The following ACO2 variants were observed in gnomAD, a reference collection of about 807,000 sequenced individuals.
ACO2 encodes the protein aconitase 2.
A neutral mutation model predicts 84.5 loss-of-function variants in ACO2; 31 were observed. That is an observed-to-expected ratio of 0.37 (90% CI 0.28 to 0.50). The LOEUF (loss-of-function observed/expected upper bound fraction) is 0.50. ACO2 is among the 20% of genes least tolerant of loss of function. The pLI, the probability that ACO2 is intolerant of heterozygous loss-of-function variation, is 0.97. For synonymous variants in ACO2, 414 were observed against 412.7 expected, an observed-to-expected ratio of 1.00 and a Z score of -0.04; for missense variants, 685 against 1,029.3, an observed-to-expected ratio of 0.67 and a Z score of 4.58.
chr22:41,524,075 A>C, intron 12 of ACO2, 134 bp downstream of exon 12: 1 of 722,732 alleles, frequency 1.4e-6, no homozygotes, highest in African/African-American at 1.8e-5. Context: ...TCCCAGCCTC[A>C]GGCGCATGCT....
intron 13 of ACO2, 48 bp downstream of exon 13, chr22:41,525,016 C>G (rs372808344): frequency 3.8e-5 from 62 of 1,613,694 alleles, no homozygotes; most frequent in Non-Finnish European, 5.2e-5. Context: ...GGCCACGTCA[C>G]TTCCTTCTCA....
intron 15 of ACO2, 195 bp from the exon 16 acceptor site, chr22:41,527,093 G>A (rs572242721): frequency 8.1e-5 from 60 of 739,236 alleles, no homozygotes; most frequent in Non-Finnish European, 1.2e-4. Flanking sequence ...CTGTCCCCTC[G>A]GGGCCTCGTT....
intron 2 of ACO2, among the ~76,000 whole-genome samples, chr22:41,505,671 A>G (rs570676159): frequency 6.6e-6 from 1 of 152,256 alleles, no homozygotes; most frequent in Admixed American, 6.5e-5. Flanking sequence ...TGAGTTTTAT[A>G]CATGAAAATA....
At chr22:41,504,606 G>A (rs1320795954) in intron 2 of ACO2, among the ~76,000 whole-genome samples, 2 of 151,478 alleles carry the variant, frequency 1.3e-5, no homozygotes, top group Admixed American at 6.6e-5. Context: ...CGGTGCTGCC[G>A]CAATCGGCGC....
intron 1 of ACO2, among the ~76,000 whole-genome samples, chr22:41,478,598 C>G (rs1021996945): frequency 6.6e-6 from 1 of 152,240 alleles, no homozygotes; most frequent in Middle Eastern, 3.4e-3. Flanking sequence ...ATATTCAAGT[C>G]TAGGCCCTTG....
At chr22:41,522,701 T>C (rs562292188) in intron 9 of ACO2, 129 bp from the exon 10 acceptor site, 1 of 1,055,442 alleles carries the variant, frequency 9.5e-7, no homozygotes, top group South Asian at 1.6e-5. Context: ...CTGGTCTCTG[T>C]TAAAAAAGTC....
intron 2 of ACO2, among the ~76,000 whole-genome samples, chr22:41,505,563 C>T (rs866566753): frequency 6.6e-6 from 1 of 152,106 alleles, no homozygotes; most frequent in Non-Finnish European, 1.5e-5. Flanking sequence ...GCTGCCTCTT[C>T]GTGGTCCAGC....
At chr22:41,491,936 A>G (rs1005458358) in intron 1 of ACO2, among the ~76,000 whole-genome samples, 3 of 152,310 alleles carry the variant, frequency 2.0e-5, no homozygotes, top group East Asian at 1.9e-4. Context: ...AGGAGGGGCC[A>G]TATGAGGTGA....
chr22:41,524,565 C>T (rs930963055), intron 12 of ACO2, among the ~76,000 whole-genome samples: 2 of 152,258 alleles, frequency 1.3e-5, no homozygotes, highest in East Asian at 1.9e-4. Context: ...GCCCCCACTC[C>T]CTCCAGGATA....
intron 2 of ACO2, among the ~76,000 whole-genome samples, chr22:41,505,791 G>A (rs534208260): frequency 6.6e-6 from 1 of 152,254 alleles, no homozygotes; most frequent in South Asian, 2.1e-4. Context: ...CAAGGGGTGG[G>A]GAAACTTGAA....
At chr22:41,524,194 A>G (rs1052007289) in intron 12 of ACO2, among the ~76,000 whole-genome samples, 1 of 152,224 alleles carries the variant, frequency 6.6e-6, no homozygotes, top group Non-Finnish European at 1.5e-5. Flanking sequence ...CCTAGGACAC[A>G]TCCCAGCCCT....
intron 3 of ACO2, 42 bp from the exon 4 acceptor site, chr22:41,511,834 A>T: frequency 6.6e-7 from 1 of 1,515,572 alleles, no homozygotes; most frequent in South Asian, 1.2e-5. Flanking sequence ...ACCTGGACAC[A>T]AACCATGTTG....
chr22:41,471,369 TAACC>T (rs552306574), intron 1 of ACO2, among the ~76,000 whole-genome samples: 2,076 of 152,322 alleles, frequency 0.014, 14 homozygotes, highest in Non-Finnish European at 0.022. Context: ...CTGTCTCAAA[TAACC>T]AACTAACACG....
chr22:41,491,018 A>G (rs1046990279), intron 1 of ACO2, among the ~76,000 whole-genome samples: 3 of 151,998 alleles, frequency 2.0e-5, no homozygotes, highest in Non-Finnish European at 4.4e-5. Flanking sequence ...AAGGGCATAT[A>G]TAATAGGAGG....
intron 4 of ACO2, among the ~76,000 whole-genome samples, chr22:41,514,714 G>A (rs1338757358): frequency 6.6e-6 from 1 of 152,202 alleles, no homozygotes; most frequent in Admixed American, 6.5e-5. Flanking sequence ...TGGGGGAAGT[G>A]CTCCCCACGG....
intron 1 of ACO2, among the ~76,000 whole-genome samples, chr22:41,494,531 C>T (rs1157224628): frequency 6.6e-6 from 1 of 151,124 alleles, no homozygotes; most frequent in Admixed American, 6.6e-5. Context: ...CCTGCCTCAG[C>T]CTCCTGAGTA....
chr22:41,525,821 C>T (rs546748777), intron 14 of ACO2: 1 of 198,466 alleles, frequency 5.0e-6, no homozygotes, highest in African/African-American at 2.4e-5. Context: ...CCAGAGGCCT[C>T]CAATCTGTGT....
At chr22:41,494,144 G>C (rs764878922) in intron 1 of ACO2, among the ~76,000 whole-genome samples, 1 of 152,214 alleles carries the variant, frequency 6.6e-6, no homozygotes, top group Non-Finnish European at 1.5e-5. Context: ...GGTGAAATGT[G>C]TAGCTGATTT....
chr22:41,509,149 G>A (rs755012392), intron 3 of ACO2, among the ~76,000 whole-genome samples: 9 of 152,128 alleles, frequency 5.9e-5, no homozygotes, highest in Non-Finnish European at 1.2e-4. Context: ...GCACATGGCC[G>A]GGAACGTGGG....
Sources: gnomAD v4.1 joint callset for allele counts (sites outside exome capture counted in the v4.1 genomes callset) on GRCh38, gnomAD v4.1.1 for gene constraint, MANE v1.5 for transcripts, NCBI Gene and HGNC (gene_info 2026-07-23, HGNC 2026-07-21) for gene names.